KCNN3: variants seen among roughly 807,000 people sequenced by gnomAD.
KCNN3 encodes small conductance calcium-activated potassium channel protein 3.
KCNN3 carries 16 observed loss-of-function variants against 62.9 expected under a neutral mutation model. That is an observed-to-expected ratio of 0.25 (90% CI 0.17 to 0.39). The LOEUF is 0.39. Among genes scored for constraint, KCNN3 ranks in the 10% least tolerant of loss-of-function variants. The pLI is 1.00. For missense variants in KCNN3, 599 were observed against 949.4 expected (o/e 0.63, Z 4.85); for synonymous variants, 370 against 389.2 (o/e 0.95, Z 0.58).
intron 2 of KCNN3, among the ~76,000 whole-genome samples, chr1:154,793,932 C>T (rs1052917304): frequency 3.9e-5 from 6 of 152,230 alleles, no homozygotes; most frequent in African/African-American, 1.4e-4. Context: ...TTCCCCCATG[C>T]ATGCCTTTGT....
intron 5 of KCNN3, among the ~76,000 whole-genome samples, chr1:154,725,141 G>A (rs950283399): frequency 9.2e-5 from 14 of 151,970 alleles, no homozygotes; most frequent in East Asian, 1.9e-4. Flanking sequence ...GGCGTGAGCC[G>A]CCGCTCCCAG....
chr1:154,775,107 C>T (rs767679968), intron 2 of KCNN3, among the ~76,000 whole-genome samples: 97 of 152,224 alleles, frequency 6.4e-4, no homozygotes, highest in African/African-American at 2.3e-3. Flanking sequence ...TTCTGTCCAC[C>T]CAACTGTCTC....
chr1:154,714,471 A>G (rs1490566498), intron 6 of KCNN3, among the ~76,000 whole-genome samples: 96 of 30,274 alleles, frequency 3.2e-3, no homozygotes, highest in African/African-American at 4.2e-3. Flanking sequence ...TGTGGTGTGT[A>G]TGGTGTGTGT....
At chr1:154,730,620 G>A (rs1333661984) in intron 4 of KCNN3, among the ~76,000 whole-genome samples, 1 of 152,142 alleles carries the variant, frequency 6.6e-6, no homozygotes, top group African/African-American at 2.4e-5. Context: ...AGAGTGAGGC[G>A]ACTGACTTTA....
At chr1:154,766,880 A>G (rs929066277) in intron 3 of KCNN3, among the ~76,000 whole-genome samples, 4 of 151,678 alleles carry the variant, frequency 2.6e-5, no homozygotes, top group Admixed American at 6.6e-5. Flanking sequence ...CGGGGGTTTC[A>G]CCGTGTTAGC....
chr1:154,803,239 G>C (rs1028211597), intron 2 of KCNN3, among the ~76,000 whole-genome samples: 1 of 152,188 alleles, frequency 6.6e-6, no homozygotes, highest in African/African-American at 2.4e-5. Flanking sequence ...AGACATTTCT[G>C]ACCACTAGCA....
Position 154,715,049 on chromosome 1 carries a change from T to C in KCNN3, c.1702-46A>G, listed in dbSNP as rs758463322. 8 of 1,611,036 alleles carry C rather than the reference T, an allele frequency of 5.0e-6. No individual in the cohort carries two copies. In the South Asian group the frequency reaches 5.5e-5, roughly 11 times the overall value. On this transcript the variant is annotated intron_variant, in intron 5 of 7. Coordinates refer to ENST00000271915, the MANE Select transcript of KCNN3 (RefSeq NM_002249.6). ...TAGGCTGCTATCAGGTTCATTTTCTTAGGTTCATTTTTGTGGTTGCTACTG... is the reference window on the plus strand; with the variant it reads ...TAGGCTGCTATCAGGTTCATTTTCTCAGGTTCATTTTTGTGGTTGCTACTG...
intron 2 of KCNN3, among the ~76,000 whole-genome samples, chr1:154,802,584 C>T (rs547949186): frequency 6.6e-6 from 1 of 152,216 alleles, no homozygotes; most frequent in South Asian, 2.1e-4. Flanking sequence ...CAGTGGTGAA[C>T]AGAGGATGAC....
intron 1 of KCNN3, among the ~76,000 whole-genome samples, chr1:154,857,588 T>C (rs1444399076): frequency 6.6e-6 from 1 of 152,148 alleles, no homozygotes; most frequent in Non-Finnish European, 1.5e-5. Flanking sequence ...AAGAGCCCAG[T>C]CTAGGATCTG....
intron 7 of KCNN3, among the ~76,000 whole-genome samples, chr1:154,711,406 A>G (rs919383132): frequency 6.6e-6 from 1 of 150,530 alleles, no homozygotes; most frequent in African/African-American, 2.4e-5. Flanking sequence ...TGACGAGTTA[A>G]TGGGTGCAGC....
chr1:154,858,436 C>T (rs979521953), intron 1 of KCNN3, among the ~76,000 whole-genome samples: 1 of 152,244 alleles, frequency 6.6e-6, no homozygotes, highest in Non-Finnish European at 1.5e-5. Flanking sequence ...CAAGGCCACA[C>T]AGCCAAATAG....
At chr1:154,790,327 C>T (rs1349061737) in intron 2 of KCNN3, among the ~76,000 whole-genome samples, 3 of 152,158 alleles carry the variant, frequency 2.0e-5, no homozygotes, top group East Asian at 1.9e-4. Flanking sequence ...TGATGGGTCA[C>T]GTCCTGATGA....
At chr1:154,770,951 G>T (rs947164163) in intron 3 of KCNN3, among the ~76,000 whole-genome samples, 1 of 152,028 alleles carries the variant, frequency 6.6e-6, no homozygotes, top group Non-Finnish European at 1.5e-5. Flanking sequence ...CAGCTACATG[G>T]GAGGCTGAGG....
chr1:154,705,162 T>G lies in KCNN3; in HGVS notation c.*2814A>C, dbSNP rs1294805764. ...AGAAGGCATGACATGAGAATCCACCTGCCCCTTTTCCCATCTGACTGTGAT... is the reference window on the plus strand; with the variant it reads ...AGAAGGCATGACATGAGAATCCACCGGCCCCTTTTCCCATCTGACTGTGAT... On this transcript the variant is annotated 3_prime_UTR_variant, in exon 8 of 8. Transcript: ENST00000271915. The G allele has an allele frequency of 6.6e-6, 1 of 152,162 alleles. No homozygotes were observed. Among genetic ancestry groups the G allele is most frequent in the African/African-American group, 2.4e-5 (1 of 41,426 alleles). The allele number at this position is 152,162 out of a possible 1,614,324, so 9.4% of individuals were successfully genotyped here.
chr1:154,820,024 T>C (rs1650825588), intron 2 of KCNN3, among the ~76,000 whole-genome samples: 1 of 152,244 alleles, frequency 6.6e-6, no homozygotes, highest in African/African-American at 2.4e-5. Context: ...GATTTCACTT[T>C]GTTTCTCCAA....
chr1:154,863,327 GCA>G (rs1652835097), intron 1 of KCNN3, among the ~76,000 whole-genome samples: 2 of 152,182 alleles, frequency 1.3e-5, no homozygotes, highest in South Asian at 2.1e-4. Flanking sequence ...CCTGGGAAAA[GCA>G]CAGTCTCAGA....
chr1:154,777,227 G>A (rs956722357), intron 2 of KCNN3, among the ~76,000 whole-genome samples: 15 of 151,786 alleles, frequency 9.9e-5, no homozygotes, highest in African/African-American at 2.9e-4. Flanking sequence ...CCTCTTGCTC[G>A]CACCTCCTGC....
chr1:154,714,805 T>C (rs1215401796), intron 6 of KCNN3, 71 bp downstream of exon 6: 24 of 1,596,160 alleles, frequency 1.5e-5, no homozygotes, highest in Admixed American at 3.3e-5. Flanking sequence ...TCTGTGCTAC[T>C]GACAGAGTTG....
intron 2 of KCNN3, among the ~76,000 whole-genome samples, chr1:154,812,667 C>T (rs1236393887): frequency 6.6e-6 from 1 of 152,182 alleles, no homozygotes; most frequent in Non-Finnish European, 1.5e-5. Flanking sequence ...TGGCCACTTA[C>T]TCTATTATCC....
Sources: allele counts gnomAD v4.1 joint callset (sites outside exome capture counted in the v4.1 genomes callset), GRCh38; gene constraint gnomAD v4.1.1; transcripts MANE v1.5; gene names NCBI Gene and HGNC (gene_info 2026-07-23, HGNC 2026-07-21).